Variants in CLHC1 observed in about 807,000 individuals in gnomAD.
The protein encoded by CLHC1 is clathrin heavy chain linker domain-containing protein 1.
In CLHC1, 72 loss-of-function variants were observed where a neutral mutation model predicts 69.5. The observed-to-expected ratio is 1.04, with a 90% confidence interval of 0.86 to 1.26. The LOEUF (loss-of-function observed/expected upper bound fraction) is 1.26. CLHC1 is among the 50% of genes most tolerant of loss of function. The pLI is 0.00. For synonymous variants in CLHC1, 223 were observed against 224.3 expected, an observed-to-expected ratio of 0.99 and a Z score of 0.05; for missense variants, 790 against 679.3, an observed-to-expected ratio of 1.16 and a Z score of -1.81.
At chr2:55,190,594 C>T (rs1250204558) in intron 9 of CLHC1, among the ~76,000 whole-genome samples, 1 of 151,952 alleles carries the variant, frequency 6.6e-6, no homozygotes, top group Non-Finnish European at 1.5e-5. Flanking sequence ...ATGAAAACTA[C>T]AATGTCTGAA....
chr2:55,232,400 C>T (rs1474427904), upstream of CLHC1: 7 of 281,938 alleles, frequency 2.5e-5, no homozygotes, highest in Non-Finnish European at 4.2e-5. Flanking sequence ...CCCCAAGAGG[C>T]CCCCCTCGAC....
rs372934777 is a variant in CLHC1, at chr2:55,211,489, G to C, written c.499+1184C>G. ...TGCACTACAGCCTGGGTGACAGAGC[G>C]AGACTATGTCTCCAAAAAAAAAAAA... On this transcript the variant is annotated intron_variant, in intron 5 of 12. Transcript: ENST00000401408. 7.7e-5 allele frequency among the ~76,000 whole-genome samples: 10 copies of C among 129,964 alleles called. No homozygotes were observed. The East Asian group carries it at 1.3e-3, about 17-fold the overall frequency. The allele number at this position is 129,964 out of a possible 152,430, so 85.3% of individuals were successfully genotyped here.
intron 11 of CLHC1, among the ~76,000 whole-genome samples, chr2:55,179,834 C>A (rs1047303377): frequency 6.6e-6 from 1 of 152,144 alleles, no homozygotes; most frequent in Admixed American, 6.5e-5. Context: ...TTCTTCATTT[C>A]TGATGCTTAT....
intron 9 of CLHC1, among the ~76,000 whole-genome samples, chr2:55,202,556 C>CA (rs1273533719): frequency 0.01 from 775 of 74,498 alleles, 7 homozygotes; most frequent in East Asian, 0.073. Context: ...GACTCTGTCT[C>CA]AAAAAAAAAA....
intron 2 of CLHC1, among the ~76,000 whole-genome samples, chr2:55,226,624 G>C (rs1477891729): frequency 1.3e-5 from 2 of 152,050 alleles, no homozygotes; most frequent in Non-Finnish European, 2.9e-5. Context: ...CCCATTGTCA[G>C]ATATTTTCAC....
intron 9 of CLHC1, among the ~76,000 whole-genome samples, chr2:55,205,068 C>T (rs1672308613): frequency 6.6e-6 from 1 of 151,954 alleles, no homozygotes; most frequent in Admixed American, 6.6e-5. Flanking sequence ...AATGAGATAC[C>T]ATCTTACACC....
chr2:55,212,349 A>G (rs1456926832), intron 5 of CLHC1, among the ~76,000 whole-genome samples: 5 of 152,202 alleles, frequency 3.3e-5, no homozygotes, highest in African/African-American at 1.2e-4. Flanking sequence ...TGAGTTTCTG[A>G]CACAGTTAAG....
intron 5 of CLHC1, among the ~76,000 whole-genome samples, chr2:55,210,225 C>A (rs540282578): frequency 6.6e-6 from 1 of 151,188 alleles, no homozygotes. Context: ...GAGATGGAGT[C>A]GCACTCTGTC....
intron 9 of CLHC1, among the ~76,000 whole-genome samples, chr2:55,192,758 C>T (rs1671048871): frequency 2.0e-5 from 3 of 152,048 alleles, no homozygotes; most frequent in Admixed American, 2.0e-4. Flanking sequence ...GCTGGGAAAA[C>T]CAGATTATCC....
rs1431975053 is a variant in CLHC1 at position 55,175,595 on chromosome 2, C to T, written c.*195G>A. The T allele has an allele frequency of 1.9e-6, 1 of 523,434 alleles. No homozygotes were observed. Among genetic ancestry groups the T allele is most frequent in the Non-Finnish European group, 3.4e-6 (1 of 295,944 alleles). The allele number at this position is 523,434 out of a possible 1,614,324, so 32.4% of individuals were successfully genotyped here. On this transcript the variant is annotated 3_prime_UTR_variant, in exon 13 of 13. Transcript: ENST00000401408. ...TATCAAGATTCAATATAAGAAATGA[C>T]CATATGGGGAAAAGGAAGCAATAGT...
chr2:55,212,908 T>C (rs1378621461), intron 4 of CLHC1, 102 bp from the exon 5 acceptor site: 4 of 876,738 alleles, frequency 4.6e-6, no homozygotes, highest in Non-Finnish European at 7.2e-6. Context: ...TTTTGAACCA[T>C]TATGGACTAG....
At chr2:55,219,978 C>T (rs1673956428) in intron 3 of CLHC1, among the ~76,000 whole-genome samples, 1 of 152,174 alleles carries the variant, frequency 6.6e-6, no homozygotes, top group Non-Finnish European at 1.5e-5. Flanking sequence ...TCAAGCGATG[C>T]TCCTACCAAT....
At chr2:55,196,787 C>A (rs193078338) in intron 9 of CLHC1, among the ~76,000 whole-genome samples, 1 of 152,154 alleles carries the variant, frequency 6.6e-6, no homozygotes, top group Admixed American at 6.5e-5. Flanking sequence ...TGGCTATCAG[C>A]TGGGTGATCA....
At chr2:55,178,137 A>T (rs897096360) in intron 11 of CLHC1, among the ~76,000 whole-genome samples, 5 of 152,210 alleles carry the variant, frequency 3.3e-5, no homozygotes, top group Non-Finnish European at 5.9e-5. Context: ...CAGTTTTCAC[A>T]TCTGAAAAGT....
intron 9 of CLHC1, among the ~76,000 whole-genome samples, chr2:55,182,757 G>C (rs988353422): frequency 3.9e-5 from 6 of 152,178 alleles, no homozygotes; most frequent in African/African-American, 1.4e-4. Context: ...TGTTCCTTAA[G>C]GGTGAAGGAG....
At chr2:55,229,168 A>G (rs1317676444) in intron 1 of CLHC1, among the ~76,000 whole-genome samples, 11 of 148,592 alleles carry the variant, frequency 7.4e-5, no homozygotes, top group African/African-American at 2.7e-4. Flanking sequence ...AAAAAAAAAA[A>G]AGAAAGAAAA....
Position 55,222,476 on chromosome 2 carries a change from G to A in CLHC1, c.-65C>T. 1.6e-6 allele frequency: 2 copies of A among 1,268,572 alleles called. No individual in the cohort carries two copies. Among genetic ancestry groups the A allele is most frequent in the Admixed American group, 2.4e-5 (1 of 40,884 alleles). The allele number at this position is 1,268,572 out of a possible 1,614,324, so 78.6% of individuals were successfully genotyped here. On this transcript the variant is annotated 5_prime_UTR_variant, in exon 3 of 13. Transcript: ENST00000401408. ...AATCTTGACCTGCTCTTGCAACAAA[G>A]CCAAAACTTTGATAAGCCTGAAAGA...
intron 1 of CLHC1, among the ~76,000 whole-genome samples, chr2:55,228,883 C>T (rs902212510): frequency 1.3e-5 from 2 of 152,136 alleles, no homozygotes; most frequent in African/African-American, 4.8e-5. Context: ...GGCACAGCGG[C>T]TCATGCCTGT....
chr2:55,194,500 C>G (rs1156628635), intron 9 of CLHC1, among the ~76,000 whole-genome samples: 1 of 151,826 alleles, frequency 6.6e-6, no homozygotes, highest in Non-Finnish European at 1.5e-5. Flanking sequence ...GCAGAAATAT[C>G]TCCTTTTATC....
Sources: gnomAD v4.1 joint callset for allele counts (sites outside exome capture counted in the v4.1 genomes callset) on GRCh38, gnomAD v4.1.1 for gene constraint, MANE v1.5 for transcripts, NCBI Gene and HGNC (gene_info 2026-07-23, HGNC 2026-07-21) for gene names.